The following CRTC3 variants were observed in gnomAD, a reference collection of about 807,000 sequenced individuals.
CRTC3 encodes CREB-regulated transcription coactivator 3.
Under a neutral mutation model 74.5 loss-of-function variants are expected in CRTC3, and 26 were observed. That is an observed-to-expected ratio of 0.35 (90% CI 0.26 to 0.48). The LOEUF is 0.48. Among genes scored for constraint, CRTC3 ranks in the 20% least tolerant of loss-of-function variants. The pLI is 0.99. For missense variants in CRTC3, 760 were observed against 787.3 expected, an observed-to-expected ratio of 0.97 and a Z score of 0.41; for synonymous variants, 377 against 325.8, an observed-to-expected ratio of 1.16 and a Z score of -1.69.
At chr15:90,607,638 G>C (rs1390475865) in intron 6 of CRTC3, among the ~76,000 whole-genome samples, 160 bp downstream of exon 6, 1 of 152,208 alleles carries the variant, frequency 6.6e-6, no homozygotes, top group African/African-American at 2.4e-5. Context: ...ATGCAGTCAG[G>C]ATGGATGGAG....
At position 90,642,139 on chromosome 15, in the gene CRTC3, G is replaced by T; in HGVS notation, c.1859G>T (p.Ter620LeuextTer196). 6.2e-7 allele frequency: 1 copy of T among 1,613,494 alleles called. No individual in the cohort carries two copies. The highest frequency in any genetic ancestry group is 1.1e-5 in the South Asian group (1 of 91,060). Residue 620 changes from the stop codon to leucine (L), a stop_lost, in exon 15 of 15, where the codon TGA (stop) becomes TTA (leucine). Coordinates refer to ENST00000268184, the MANE Select transcript of CRTC3 (RefSeq NM_022769.5). ...GAGACGTTTCGAGCTGACAGACTGT[G>T]AACAGAAGGCAGTGGAACAGAAGAA... ...VEETFRADRL[*>L]
chr15:90,556,860 C>G (rs1352436115), intron 2 of CRTC3, among the ~76,000 whole-genome samples: 2 of 151,140 alleles, frequency 1.3e-5, no homozygotes, highest in African/African-American at 4.9e-5. Context: ...TTTCTAATTG[C>G]TTAATAGTAT....
At chr15:90,607,580 A>G (rs1968257757) in intron 6 of CRTC3, 102 bp downstream of exon 6, 1 of 715,556 alleles carries the variant, frequency 1.4e-6, no homozygotes, top group Non-Finnish European at 2.4e-6. Context: ...TTCCCGGTTC[A>G]GTGATCTTAG....
chr15:90,552,766 G>T (rs1348097091), intron 2 of CRTC3, among the ~76,000 whole-genome samples: 1 of 152,168 alleles, frequency 6.6e-6, no homozygotes, highest in Non-Finnish European at 1.5e-5. Context: ...GGGGGTTTTG[G>T]AGCTGGATTG....
intron 6 of CRTC3, chr15:90,614,104 A>T (rs1968430050): frequency 4.7e-6 from 1 of 214,150 alleles, no homozygotes; most frequent in Admixed American, 5.6e-5. Context: ...TAACCCCATG[A>T]TGAAGCATTT....
intron 2 of CRTC3, among the ~76,000 whole-genome samples, chr15:90,547,123 C>T (rs1966845678): frequency 6.6e-6 from 1 of 152,060 alleles, no homozygotes; most frequent in Admixed American, 6.5e-5. Flanking sequence ...TTTTGATTGA[C>T]AAAATTGTAT....
chr15:90,631,726 C>CAA (rs71463748), intron 11 of CRTC3, among the ~76,000 whole-genome samples: 6,338 of 109,828 alleles, frequency 0.058, 204 homozygotes, highest in African/African-American at 0.095. Flanking sequence ...TACTCTGTCT[C>CAA]AAAAAAAAAA....
At chr15:90,590,938 C>T (rs549533667) in intron 2 of CRTC3, among the ~76,000 whole-genome samples, 4 of 152,084 alleles carry the variant, frequency 2.6e-5, no homozygotes, top group Non-Finnish European at 5.9e-5. Context: ...GCTGTTAAAT[C>T]GAAAATAAGA....
Position 90,532,778 on chromosome 15 carries a change from G to T in CRTC3, c.132+2575G>T, listed in dbSNP as rs576833962. Reference sequence around the variant, plus strand: ...AGGAGGAGTTGAGTGGTGGTACCTGGAATGGTAAAGAGAGGGAGGAAAGTG... The same window carrying T: ...AGGAGGAGTTGAGTGGTGGTACCTGTAATGGTAAAGAGAGGGAGGAAAGTG... On this transcript the variant is annotated intron_variant, in intron 1 of 14. Transcript: ENST00000268184. 2.6e-5 allele frequency among the ~76,000 whole-genome samples: 4 copies of T among 152,280 alleles called. No individual in the cohort carries two copies. The East Asian group carries it at 7.7e-4, about 29-fold the overall frequency.
chr15:90,626,048 C>T, intron 10 of CRTC3, 55 bp downstream of exon 10: 1 of 1,316,472 alleles, frequency 7.6e-7, no homozygotes, highest in Non-Finnish European at 1.1e-6. Flanking sequence ...GTGGTCCCCA[C>T]CCATGTGGCC....
chr15:90,604,381 A>G lies in CRTC3; in HGVS notation c.414-4A>G. 6.2e-7 allele frequency: 1 copy of G among 1,613,116 alleles called. No individual in the cohort carries two copies. The highest frequency in any genetic ancestry group is 8.5e-7 in the Non-Finnish European group (1 of 1,179,080). The stretch of plus-strand genomic sequence containing the variant: ...TTCCTTTTATGTTGTTCTGGTTTTT[A>G]AAGGCAGCAGCCTCCTTGGAAAGAC... On this transcript the variant is annotated splice_region_variant and splice_polypyrimidine_tract_variant and intron_variant, in intron 4 of 14. Coordinates refer to ENST00000268184, the MANE Select transcript of CRTC3 (RefSeq NM_022769.5).
chr15:90,543,761 C>A (rs996537445), intron 2 of CRTC3, among the ~76,000 whole-genome samples: 7 of 151,828 alleles, frequency 4.6e-5, no homozygotes, highest in Admixed American at 6.6e-5. Context: ...TAATTTATAC[C>A]TTTTTTAGGT....
intron 2 of CRTC3, among the ~76,000 whole-genome samples, chr15:90,576,280 T>A (rs1050933930): frequency 6.6e-6 from 1 of 151,976 alleles, no homozygotes; most frequent in Non-Finnish European, 1.5e-5. Flanking sequence ...TAAAAATAAA[T>A]AGATGGTCAA....
chr15:90,635,859 G>A (rs1969215288), intron 11 of CRTC3, among the ~76,000 whole-genome samples: 1 of 152,026 alleles, frequency 6.6e-6, no homozygotes. Context: ...GGGATGTGAA[G>A]GACCTCTTCA....
intron 8 of CRTC3, 110 bp downstream of exon 8, chr15:90,618,078 G>T (rs969806577): frequency 3.0e-6 from 2 of 671,606 alleles, no homozygotes; most frequent in African/African-American, 3.6e-5. Flanking sequence ...AAAAGGAGAA[G>T]ATTTGTCTGA....
At chr15:90,605,066 G>A (rs1482925378) in intron 5 of CRTC3, among the ~76,000 whole-genome samples, 1 of 151,930 alleles carries the variant, frequency 6.6e-6, no homozygotes, top group Admixed American at 6.6e-5. Flanking sequence ...TTTGAGGCCA[G>A]CCTGGGCAAG....
At chr15:90,591,746 A>G (rs1967806334) in intron 2 of CRTC3, among the ~76,000 whole-genome samples, 1 of 152,200 alleles carries the variant, frequency 6.6e-6, no homozygotes, top group South Asian at 2.1e-4. Flanking sequence ...GCATTGAGCC[A>G]AGATTGTGCC....
intron 1 of CRTC3, among the ~76,000 whole-genome samples, chr15:90,539,411 C>T (rs1384236480): frequency 2.9e-5 from 2 of 67,816 alleles, no homozygotes; most frequent in Non-Finnish European, 6.2e-5. Flanking sequence ...AAACTTTTCT[C>T]ATATGTATAT....
At chr15:90,551,171 G>A (rs548212592) in intron 2 of CRTC3, among the ~76,000 whole-genome samples, 10 of 152,164 alleles carry the variant, frequency 6.6e-5, no homozygotes, top group East Asian at 3.9e-4. Context: ...TGATAATGAC[G>A]GTTACTTGAT....
Sources: gnomAD v4.1 joint callset for allele counts (sites outside exome capture counted in the v4.1 genomes callset) on GRCh38, gnomAD v4.1.1 for gene constraint, MANE v1.5 for transcripts, NCBI Gene and HGNC (gene_info 2026-07-23, HGNC 2026-07-21) for gene names.